Variants in ZNF283 observed in about 807,000 individuals in gnomAD.
The protein encoded by ZNF283 is zinc finger protein 283, also known as zinc finger protein 41.
Under a neutral mutation model 9.2 loss-of-function variants are expected in ZNF283, and 10 were observed. That is an observed-to-expected ratio of 1.09 (90% confidence interval 0.67 to 1.85). The LOEUF is 1.85. Among genes scored for constraint, ZNF283 ranks in the 40% most tolerant of loss-of-function variants. The pLI is 0.00. For missense variants in ZNF283, 631 were observed against 760.1 expected (o/e 0.83, Z 2.00); for synonymous variants, 234 against 244.1 (o/e 0.96, Z 0.38).
chr19:43,831,250 T>G, intron 2 of ZNF283, 68 bp from the exon 3 acceptor site: 2 of 1,127,916 alleles, frequency 1.8e-6, no homozygotes, highest in Non-Finnish European at 2.6e-6. Context: ...AATACTGTTT[T>G]GTTTATGCAC....
chr19:43,846,266 T>G (rs1971395998), intron 6 of ZNF283, among the ~76,000 whole-genome samples: 1 of 152,220 alleles, frequency 6.6e-6, no homozygotes, highest in South Asian at 2.1e-4. Flanking sequence ...TGCAGCATTA[T>G]ATGAAGTTAT....
rs752724552 is a variant in ZNF283 at position 43,847,510 on chromosome 19, C to T, written c.909C>T (p.Gly303=). The change falls in exon 7 of 7, where the codon GGC becomes GGT. Residue 303 remains glycine, a synonymous_variant. Transcript: ENST00000618787. ...AATGTGGGAAGGCCTTTAGTCGTGG[C>T]TATCACCTTACCCAACATCAGAAAA... is the stretch of plus-strand genomic sequence containing the variant. ...CKECGKAFSR[G]YHLTQHQKIH... is the part of the protein sequence containing the mutation. The T allele has an allele frequency of 1.2e-6, 2 of 1,602,156 alleles. No individual in the cohort carries two copies. Among genetic ancestry groups the T allele is most frequent in the South Asian group, 2.2e-5 (2 of 90,542 alleles).
chr19:43,843,101 G>A (rs192218333), intron 6 of ZNF283, among the ~76,000 whole-genome samples: 30 of 152,282 alleles, frequency 2.0e-4, no homozygotes, highest in Admixed American at 1.0e-3. Context: ...CCAGCATTTT[G>A]GGAGGCCAAG....
intron 6 of ZNF283, among the ~76,000 whole-genome samples, chr19:43,844,756 T>C (rs1971344595): frequency 6.6e-6 from 1 of 152,158 alleles, no homozygotes; most frequent in African/African-American, 2.4e-5. Flanking sequence ...CAACCAAGAA[T>C]GATTTGGGCC....
chr19:43,841,775 A>AT (rs1971223934), intron 6 of ZNF283, among the ~76,000 whole-genome samples: 1 of 152,110 alleles, frequency 6.6e-6, no homozygotes, highest in Non-Finnish European at 1.5e-5. Flanking sequence ...CCAGATATGA[A>AT]TTTCCCAACT....
At position 43,835,041 on chromosome 19, in the gene ZNF283, T is replaced by C. The variant is rs996513844; in HGVS notation, c.123-464T>C. Among the ~76,000 whole-genome samples the C allele has an allele frequency of 2.6e-5, 4 of 152,230 alleles. No individual in the cohort carries two copies. The South Asian group carries it at 8.3e-4, about 31-fold the overall frequency. ...TTTCTATTGAGTATATCTTGATTATTTCCCTAAGTTAGCATGTACTCATTG... is the reference window on the plus strand; with the variant it reads ...TTTCTATTGAGTATATCTTGATTATCTCCCTAAGTTAGCATGTACTCATTG... On this transcript the variant is annotated intron_variant, in intron 4 of 6. Transcript: ENST00000618787.
Position 43,848,543 on chromosome 19 carries a change from C to T in ZNF283, c.1942C>T (p.His648Tyr), listed in dbSNP as rs755182537. The T allele has an allele frequency of 6.2e-7, 1 of 1,611,472 alleles. No individual in the cohort carries two copies. Among genetic ancestry groups the T allele is most frequent in the Non-Finnish European group, 8.5e-7 (1 of 1,178,160 alleles). The change falls in exon 7 of 7, where the codon CAT becomes TAT. Residue 648 changes from histidine to tyrosine, a missense_variant. His to Tyr is a moderately conservative substitution (Grantham distance 83, BLOSUM62 2). Transcript: ENST00000618787. ...CGSKLVHERT[H>Y]SNDKPYKYNE... The stretch of plus-strand genomic sequence containing the variant: ...CTCAAAACTTGTTCATGAGAGAACT[C>T]ATAGTAATGATAAACCCTACAAATA...
At chr19:43,840,963 A>G (rs558433956) in intron 6 of ZNF283, 4 of 152,084 alleles carry the variant, frequency 2.6e-5, no homozygotes, top group African/African-American at 7.2e-5. Flanking sequence ...CGGCCTCCCA[A>G]AATGCTAGGA....
At chr19:43,845,810 G>A (rs1309145186) in intron 6 of ZNF283, among the ~76,000 whole-genome samples, 1 of 151,946 alleles carries the variant, frequency 6.6e-6, no homozygotes, top group Non-Finnish European at 1.5e-5. Context: ...ATATGACATA[G>A]CATTTCCCAT....
intron 6 of ZNF283, among the ~76,000 whole-genome samples, chr19:43,843,664 A>G (rs575956935): frequency 6.6e-6 from 1 of 152,338 alleles, no homozygotes; most frequent in African/African-American, 2.4e-5. Flanking sequence ...TCAACATTTC[A>G]AAGATCTGCA....
intron 6 of ZNF283, 160 bp downstream of exon 6, chr19:43,837,339 A>G: frequency 1.5e-6 from 1 of 663,354 alleles, no homozygotes. Flanking sequence ...TGGGTTTGTT[A>G]AACACGTTGA....
rs2356438 is a variant in ZNF283 at position 43,848,931 on chromosome 19, G to A, written c.*290G>A. 0.4 allele frequency: 90,838 copies of A among 225,994 alleles called. 18,399 individuals carry two copies. The highest frequency in any genetic ancestry group is 0.55 in the South Asian group (3,515 of 6,444). The allele number at this position is 225,994 out of a possible 1,614,324, so 14.0% of individuals were successfully genotyped here. A position where few individuals can be genotyped will look rare whatever the true frequency, so the allele number is the denominator to read the frequency against. On this transcript the variant is annotated 3_prime_UTR_variant, in exon 7 of 7. Transcript: ENST00000618787. The stretch of plus-strand genomic sequence containing the variant: ...GTGAAGATCTTCATTCATGACATAA[G>A]GTCTGATTAACATCAAATAATTGGT...
At chr19:43,842,077 T>G (rs993563691) in intron 6 of ZNF283, among the ~76,000 whole-genome samples, 1 of 152,176 alleles carries the variant, frequency 6.6e-6, no homozygotes, top group African/African-American at 2.4e-5. Context: ...TTTTTTCTGC[T>G]TCTTTAGTAC....
rs570030544 is a variant in ZNF283, at chr19:43,837,176, C to T, written c.334C>T (p.Leu112=). Reference sequence around the variant, plus strand: ...GGAGAACTATAGTAACTTGGTGTCACTGGGTAAGGTCATCTGCCTGAAATA... The same window carrying T: ...GGAGAACTATAGTAACTTGGTGTCATTGGGTAAGGTCATCTGCCTGAAATA... ...MLENYSNLVS[L]DLESKTYETK... The change falls in exon 6 of 7, where the codon CTG becomes TTG. Residue 112 remains leucine, a synonymous_variant. Coordinates refer to ENST00000618787, the MANE Select transcript of ZNF283 (RefSeq NM_181845.2). The T allele has an allele frequency of 6.9e-5, 110 of 1,602,318 alleles. 4 individuals carry two copies. In the South Asian group the frequency reaches 1.1e-3, roughly 17 times the overall value.
At chr19:43,835,157 C>T (rs1421857661) in intron 4 of ZNF283, among the ~76,000 whole-genome samples, 1 of 152,138 alleles carries the variant, frequency 6.6e-6, no homozygotes, top group Non-Finnish European at 1.5e-5. Flanking sequence ...GCCTGTCCAG[C>T]TCCCATGTTT....
intron 3 of ZNF283, among the ~76,000 whole-genome samples, chr19:43,831,877 C>A (rs1266325321): frequency 6.6e-6 from 1 of 152,148 alleles, no homozygotes; most frequent in African/African-American, 2.4e-5. Context: ...AATCCGCCTC[C>A]TTTGGCCTTC....
At position 43,847,403 on chromosome 19, in the gene ZNF283, T is replaced by C; in HGVS notation, c.802T>C (p.Cys268Arg). 1.2e-6 allele frequency: 2 copies of C among 1,614,028 alleles called. No individual in the cohort carries two copies. Among genetic ancestry groups the C allele is most frequent in the South Asian group, 1.1e-5 (1 of 91,082 alleles). The change falls in exon 7 of 7, where the codon TGT (cysteine) becomes CGT (arginine). Residue 268 changes from cysteine to arginine, a missense_variant. Around this residue, in one of 3 missense-constraint regions of ZNF283, gnomAD observed 444 missense variants for 522.5 expected, o/e 0.85. Transcript: ENST00000618787. ...TGEKPYECKECGKTFSWGSSL... is the reference protein window; with the variant it reads ...TGEKPYECKERGKTFSWGSSL... The stretch of plus-strand genomic sequence containing the variant: ...TGAGAAACCCTATGAGTGTAAGGAA[T>C]GTGGGAAGACCTTTAGCTGGGGATC...
intron 3 of ZNF283, 41 bp downstream of exon 3, chr19:43,831,422 G>C: frequency 6.5e-7 from 1 of 1,532,602 alleles, no homozygotes; most frequent in South Asian, 1.2e-5. Flanking sequence ...TTTCAGTGTT[G>C]GCCCCGTTTG....
At chr19:43,835,458 G>T in intron 4 of ZNF283, 47 bp from the exon 5 acceptor site, 1 of 1,236,914 alleles carries the variant, frequency 8.1e-7, no homozygotes, top group Non-Finnish European at 1.2e-6. Flanking sequence ...AGTCAGGATG[G>T]GATCACTGAG....
Sources: allele counts gnomAD v4.1 joint callset (sites outside exome capture counted in the v4.1 genomes callset), GRCh38; gene constraint gnomAD v4.1.1; regional missense constraint gnomAD v4.1.1; transcripts MANE v1.5; gene names NCBI Gene and HGNC (gene_info 2026-07-23, HGNC 2026-07-21).